The following PCDHA7 variants were observed in gnomAD, a reference collection of about 807,000 sequenced individuals.
The protein encoded by PCDHA7 is protocadherin alpha 7.
Under a neutral mutation model 57.2 loss-of-function variants are expected in PCDHA7, and 37 were observed. The ratio of observed to expected loss-of-function variants is 0.65; its 90% CI spans 0.50 to 0.85. The LOEUF (loss-of-function observed/expected upper bound fraction) is 0.85, where lower values mean the gene tolerates loss of function less well. Ranked by LOEUF, PCDHA7 falls within the 40% of genes least tolerant of loss-of-function variation. PCDHA7 has a pLI of 0.00. For missense variants in PCDHA7, 1,188 were observed against 1,241.8 expected, an observed-to-expected ratio of 0.96 and a Z score of 0.65; for synonymous variants, 553 against 558.8, an observed-to-expected ratio of 0.99 and a Z score of 0.15.
At chr5:140,839,353 G>A (rs1421791877) in intron 1 of PCDHA7, among the ~76,000 whole-genome samples, 1 of 144,986 alleles carries the variant, frequency 6.9e-6, no homozygotes, top group Non-Finnish European at 1.5e-5. Context: ...ATCCTCCTTA[G>A]CCACCTAAGC....
intron 1 of PCDHA7, among the ~76,000 whole-genome samples, chr5:140,908,451 A>T (rs2073980523): frequency 6.6e-6 from 1 of 152,170 alleles, no homozygotes; most frequent in African/African-American, 2.4e-5. Context: ...TTATGGCTAG[A>T]TGGATCAGAA....
chr5:140,928,616 G>A, intron 1 of PCDHA7: 2 of 1,614,226 alleles, frequency 1.2e-6, no homozygotes, highest in Non-Finnish European at 8.5e-7. Flanking sequence ...CGCTCTGCCA[G>A]GACTGGACAC....
intron 1 of PCDHA7, chr5:140,884,345 C>A (rs782318945): frequency 1.2e-6 from 2 of 1,613,916 alleles, no homozygotes; most frequent in African/African-American, 2.7e-5. Flanking sequence ...AGAAGCGGCG[C>A]TGGTGGATGT....
At chr5:140,975,313 T>C (rs2096662091) in intron 1 of PCDHA7, among the ~76,000 whole-genome samples, 1 of 152,224 alleles carries the variant, frequency 6.6e-6, no homozygotes, top group African/African-American at 2.4e-5. Flanking sequence ...TGTGATTATG[T>C]CAGTCCCATC....
intron 1 of PCDHA7, among the ~76,000 whole-genome samples, chr5:140,889,313 T>G (rs1554183863): frequency 6.6e-6 from 1 of 152,078 alleles, no homozygotes; most frequent in Non-Finnish European, 1.5e-5. Flanking sequence ...ACTGTTGAAG[T>G]TATCTGTATC....
At chr5:140,946,894 T>C (rs1368559322) in intron 1 of PCDHA7, among the ~76,000 whole-genome samples, 1 of 151,402 alleles carries the variant, frequency 6.6e-6, no homozygotes, top group Non-Finnish European at 1.5e-5. Context: ...TACAATTAGA[T>C]AGGAAGAATA....
At chr5:140,882,667 C>A in intron 1 of PCDHA7, 1 of 1,614,160 alleles carries the variant, frequency 6.2e-7, no homozygotes, top group Middle Eastern at 1.6e-4. Flanking sequence ...CGCCCATATT[C>A]CCTGAAAGCA....
At chr5:140,900,206 C>A (rs1286660558) in intron 1 of PCDHA7, among the ~76,000 whole-genome samples, 1 of 152,172 alleles carries the variant, frequency 6.6e-6, no homozygotes, top group Non-Finnish European at 1.5e-5. Flanking sequence ...CCAGTTTCAT[C>A]CAGGTTGTTG....
intron 2 of PCDHA7, among the ~76,000 whole-genome samples, chr5:140,981,156 T>C (rs747008016): frequency 2.9e-4 from 44 of 152,360 alleles, no homozygotes; most frequent in Admixed American, 6.5e-4. Context: ...ATTGAACTTA[T>C]ATGTTGCCTT....
In PCDHA7 at chr5:140,857,008, T is replaced by C. The variant is rs2044317901; in HGVS notation, c.2355+20270T>C. On this transcript the variant is annotated intron_variant, in intron 1 of 3. Transcript: ENST00000525929. The stretch of plus-strand genomic sequence containing the variant: ...GTAACACTTATGAAATTCATGTAGA[T>C]GTTACAGATAAGGGAAACCCACCTA... 4 of 1,595,746 alleles carry C rather than the reference T, an allele frequency of 2.5e-6. 1 individual carries two copies. Among genetic ancestry groups the C allele is most frequent in the Non-Finnish European group, 3.4e-6 (4 of 1,165,590 alleles).
chr5:141,011,085 T>C lies in PCDHA7; in HGVS notation c.*1148T>C, dbSNP rs2098419298. The C allele has an allele frequency of 6.5e-6, 1 of 153,776 alleles. No homozygotes were observed. Among genetic ancestry groups the C allele is most frequent in the Non-Finnish European group, 1.5e-5 (1 of 68,046 alleles). The allele number at this position is 153,776 out of a possible 1,614,324, so 9.5% of individuals were successfully genotyped here. A position where few individuals can be genotyped will look rare whatever the true frequency, so the allele number is the denominator to read the frequency against. ...ATGTATTACTAAATAAAATGATCTC[T>C]CTTTCTCTCTCTCTCTCTCTTTTCT... On this transcript the variant is annotated 3_prime_UTR_variant, in exon 4 of 4. Transcript: ENST00000525929.
chr5:140,968,569 C>G (rs1554230875), intron 1 of PCDHA7: 18 of 1,614,086 alleles, frequency 1.1e-5, no homozygotes, highest in Non-Finnish European at 1.5e-5. Context: ...CCCCTGCTGG[C>G]TACCTGGTCA....
chr5:140,967,907 A>C (rs1311525554), intron 1 of PCDHA7: 1 of 1,614,180 alleles, frequency 6.2e-7, no homozygotes, highest in Non-Finnish European at 8.5e-7. Flanking sequence ...TGCTACACCC[A>C]ACACCATTGT....
rs1554140287 is a variant in PCDHA7 at position 140,843,629 on chromosome 5, A to T, written c.2355+6891A>T. ...TGAGGGGCCACCGAAGACGGACCTC[A>T]TGGCCTTCAGCCCCTGCCTTCCTCC... is the stretch of plus-strand genomic sequence containing the variant. On this transcript the variant is annotated intron_variant, in intron 1 of 3. Transcript: ENST00000525929. 3.1e-6 allele frequency: 5 copies of T among 1,595,972 alleles called. No homozygotes were observed. The East Asian group carries it at 8.9e-5, about 28-fold the overall frequency.
rs1554205708 is a variant in PCDHA7 at position 140,928,289 on chromosome 5, G to A, written c.2356-50660G>A. 3.1e-6 allele frequency: 5 copies of A among 1,614,170 alleles called. No individual in the cohort carries two copies. In the East Asian group the frequency reaches 6.7e-5, roughly 22 times the overall value. ...AATGGCCCTGGGGCCTCTCTAGGCC[G>A]AGTGTTTGCCCAGGACCCCGACCTG... is the stretch of plus-strand genomic sequence containing the variant. On this transcript the variant is annotated intron_variant, in intron 1 of 3. Coordinates refer to ENST00000525929, the MANE Select transcript of PCDHA7 (RefSeq NM_018910.3).
intron 1 of PCDHA7, chr5:140,857,650 G>C (rs1212312396): frequency 6.3e-7 from 1 of 1,596,628 alleles, no homozygotes; most frequent in Non-Finnish European, 8.6e-7. Flanking sequence ...AGTTCCAGGT[G>C]AGCGCGCGCG....
chr5:140,886,841 A>G lies in PCDHA7; in HGVS notation c.2355+50103A>G, dbSNP rs11748230. ...GACTTCGTCTTGAAAAAAAAAAAAA[A>G]AAAAAAGAAAGGTCTTCCCAACTCC... is the stretch of plus-strand genomic sequence containing the variant. On this transcript the variant is annotated intron_variant, in intron 1 of 3. Transcript: ENST00000525929. Among the ~76,000 whole-genome samples the G allele has an allele frequency of 9.0e-3, 1,368 of 151,662 alleles. 8 individuals are homozygous for G. Among genetic ancestry groups the G allele is most frequent in the Non-Finnish European group, 0.016 (1,078 of 67,864 alleles).
intron 1 of PCDHA7, chr5:140,871,020 A>C (rs1554164982): frequency 6.2e-7 from 1 of 1,613,302 alleles, no homozygotes; most frequent in East Asian, 2.2e-5. Context: ...TGGACGAGGC[A>C]GACTCGCCGC....
chr5:140,982,545 G>C lies in PCDHA7; in HGVS notation c.2485G>C (p.Val829Leu), dbSNP rs782544627. The change falls in exon 3 of 4, where the codon GTA becomes CTA. Residue 829 changes from valine (V) to leucine (L), a missense_variant. Val to Leu is a conservative substitution (Grantham distance 32). Transcript: ENST00000525929. The stretch of plus-strand genomic sequence containing the variant: ...AGGGCCTGATCAGCAGTGGCCAACA[G>C]TATCCAGTGCAACACCAGGTAAAGA... ...PGGPDQQWPT[V>L]SSATPEPEAG... The C allele has an allele frequency of 6.2e-6, 10 of 1,614,088 alleles. No individual in the cohort carries two copies. The East Asian group carries it at 2.2e-4, about 36-fold the overall frequency.
Sources: gnomAD v4.1 joint callset for allele counts (sites outside exome capture counted in the v4.1 genomes callset) on GRCh38, gnomAD v4.1.1 for gene constraint, MANE v1.5 for transcripts, NCBI Gene and HGNC (gene_info 2026-07-23, HGNC 2026-07-21) for gene names.